Variants in SCRIB observed in about 807,000 individuals in gnomAD.
SCRIB encodes the protein protein scribble homolog.
Under a neutral mutation model 170.0 loss-of-function variants are expected in SCRIB, and 72 were observed. The observed-to-expected ratio is 0.42, with a 90% CI of 0.35 to 0.52. The LOEUF is 0.52. SCRIB is among the 20% of genes least tolerant of loss of function. The probability of loss-of-function intolerance (pLI) is 0.02; values close to 1 mark genes in which losing one functional copy is unlikely to be tolerated. For synonymous variants in SCRIB, 1,298 were observed against 1,044.3 expected, an observed-to-expected ratio of 1.24 and a Z score of -4.68; for missense variants, 2,475 against 2,338.5, an observed-to-expected ratio of 1.06 and a Z score of -1.20.
intron 24 of SCRIB, among the ~76,000 whole-genome samples, chr8:143,796,893 G>A (rs1286643008): frequency 6.6e-6 from 1 of 152,176 alleles, no homozygotes; most frequent in African/African-American, 2.4e-5. Flanking sequence ...GGCAGACCCG[G>A]GTGCTGACTC....
chr8:143,806,374 C>G (rs781942930), intron 18 of SCRIB, 33 bp downstream of exon 18: 5 of 1,544,938 alleles, frequency 3.2e-6, no homozygotes, highest in Non-Finnish European at 4.4e-6. Context: ...GAGGGCACAG[C>G]TGCCACTCGG....
In SCRIB at chr8:143,804,793, A is replaced by G. The variant is rs1488433580; in HGVS notation, c.2784T>C (p.His928=). The G allele has an allele frequency of 1.3e-6, 2 of 1,598,588 alleles. No individual in the cohort carries two copies. Among genetic ancestry groups the G allele is most frequent in the Non-Finnish European group, 1.7e-6 (2 of 1,176,410 alleles). Reference sequence around the variant, plus strand: ...CGGTCAGCAGGGAGACGGCGTGGTCATGCCTGGCCTCAGTCACGTCCACTC... The same window carrying G: ...CGGTCAGCAGGGAGACGGCGTGGTCGTGCCTGGCCTCAGTCACGTCCACTC... ...INGVDVTEAR[H]DHAVSLLTAA... Residue 928 remains histidine (H), a synonymous_variant, in exon 21 of 37, where the codon CAT becomes CAC. Coordinates refer to ENST00000356994, the MANE Select transcript of SCRIB (RefSeq NM_182706.5).
rs572406958 is a variant in SCRIB, at chr8:143,794,014, G to T, written c.3847-52C>A. 14 of 1,551,430 alleles carry T rather than the reference G, an allele frequency of 9.0e-6. No homozygotes were observed. In the African/African-American group the frequency reaches 1.8e-4, roughly 20 times the overall value. On this transcript the variant is annotated intron_variant, in intron 27 of 36. Coordinates refer to ENST00000356994, the MANE Select transcript of SCRIB (RefSeq NM_182706.5). Reference sequence around the variant, plus strand: ...GAGGATGGGCAGGGCTGTGGCCCCCGACCAGGAGGGACTGGGGGCCCTGGG... The same window carrying T: ...GAGGATGGGCAGGGCTGTGGCCCCCTACCAGGAGGGACTGGGGGCCCTGGG...
rs1815420990 is a variant in SCRIB, at chr8:143,806,288, G to T, written c.2346+119C>A. ...CGTGGCTTCACCCGGAAGTCTGGGT[G>T]TCCTGTGCTTGGAACTCTTGGGGAG... is the stretch of plus-strand genomic sequence containing the variant. On this transcript the variant is annotated intron_variant, in intron 18 of 36. Transcript: ENST00000356994. The T allele has an allele frequency of 1.7e-5, 13 of 771,366 alleles. 1 individual carries two copies. In the South Asian group the frequency reaches 1.9e-4, roughly 12 times the overall value. 47.8% of individuals were successfully genotyped at this position (771,366 alleles called of 1,614,324 possible).
chr8:143,791,962 AC>A (rs149884795), intron 33 of SCRIB, 28 bp downstream of exon 33: 419 of 1,444,186 alleles, frequency 2.9e-4, no homozygotes, highest in Non-Finnish European at 3.6e-4. Context: ...CGGCAGGCTG[AC>A]CCCCCCGACC....
rs782552676 is a variant in SCRIB, at chr8:143,793,947, C to T, written c.3862G>A (p.Ala1288Thr). The T allele has an allele frequency of 3.7e-6, 6 of 1,613,362 alleles. No homozygotes were observed. Among genetic ancestry groups the T allele is most frequent in the South Asian group, 1.1e-5 (1 of 91,074 alleles). Residue 1288 changes from alanine to threonine, a missense_variant, in exon 28 of 37, where the codon GCT (alanine) becomes ACT (threonine). Around this residue, in one of 3 missense-constraint regions of SCRIB, gnomAD observed 1,966 missense variants for 1,742.9 expected, o/e 1.13. Coordinates refer to ENST00000356994, the MANE Select transcript of SCRIB (RefSeq NM_182706.5). Reference protein sequence around the residue: ...GSVQRVPSGAAGGKMAESPCS... With the variant: ...GSVQRVPSGATGGKMAESPCS... Reference sequence around the variant, plus strand: ...GGAGATTCAGCCATCTTCCCTCCAGCTGCTCCAGACGGTACCTGGAGGAGT... The same window carrying T: ...GGAGATTCAGCCATCTTCCCTCCAGTTGCTCCAGACGGTACCTGGAGGAGT...
intron 14 of SCRIB, among the ~76,000 whole-genome samples, 180 bp downstream of exon 14, chr8:143,809,371 G>A (rs930330297): frequency 3.9e-5 from 6 of 152,084 alleles, no homozygotes; most frequent in African/African-American, 1.4e-4. Context: ...AGCTCTCCAG[G>A]GCACCCCCAG....
At chr8:143,811,420 A>G (rs1432864440) in intron 9 of SCRIB, 75 bp from the exon 10 acceptor site, 2 of 1,384,938 alleles carry the variant, frequency 1.4e-6, no homozygotes, top group African/African-American at 2.8e-5. Context: ...CCCTGGCAGG[A>G]GGGCACAGAC....
At chr8:143,803,349 A>AG (rs782553243) in intron 24 of SCRIB, 34 bp downstream of exon 24, 1 of 1,513,854 alleles carries the variant, frequency 6.6e-7, no homozygotes, top group African/African-American at 1.4e-5. Context: ...GCTGGGCCAG[A>AG]GGGAGGCCCG....
chr8:143,802,042 C>T (rs1410365521), intron 24 of SCRIB, among the ~76,000 whole-genome samples: 1 of 152,260 alleles, frequency 6.6e-6, no homozygotes, highest in Non-Finnish European at 1.5e-5. Context: ...CTAATAAAAA[C>T]TTCACGAGTA....
chr8:143,811,044 G>T lies in SCRIB; in HGVS notation c.1135C>A (p.His379Asn). The change falls in exon 11 of 37, where the codon CAC (histidine) becomes AAC (asparagine). Residue 379 changes from histidine (H) to asparagine (N), a missense_variant. Coordinates refer to ENST00000356994, the MANE Select transcript of SCRIB (RefSeq NM_182706.5). ...AGCCACAGGGCCTTGAGATTGAGGT[G>T]GGTGAGCGCGAACGGCAGACTCTGC... Reference protein sequence around the residue: ...RLQSLPFALTHLNLKALWLAE... With the variant: ...RLQSLPFALTNLNLKALWLAE... The T allele has an allele frequency of 6.2e-7, 1 of 1,612,328 alleles. No individual in the cohort carries two copies. The highest frequency in any genetic ancestry group is 8.5e-7 in the Non-Finnish European group (1 of 1,179,602).
Position 143,815,772 on chromosome 8 carries a change from C to A in SCRIB, c.-400G>T. On this transcript the variant is annotated 5_prime_UTR_variant, in exon 1 of 37. Transcript: ENST00000356994. ...CGCGCAGCCCGTCGGGAAGCCGAGT[C>A]CGGCCCTCGCCGCCTAGCACGCCCG... 1 of 983,836 alleles carries A rather than the reference C, an allele frequency of 1.0e-6. No individual in the cohort carries two copies. Among genetic ancestry groups the A allele is most frequent in the Non-Finnish European group, 1.2e-6 (1 of 829,068 alleles). The allele number at this position is 983,836 out of a possible 1,614,324, so 60.9% of individuals were successfully genotyped here.
intron 18 of SCRIB, among the ~76,000 whole-genome samples, chr8:143,806,159 C>T (rs1456000910): frequency 6.6e-6 from 1 of 152,196 alleles, no homozygotes; most frequent in African/African-American, 2.4e-5. Context: ...CCTGTACCCA[C>T]AGAACAAAGA....
chr8:143,797,784 C>T lies in SCRIB; in HGVS notation c.3604-2254G>A, dbSNP rs138162434. Among the ~76,000 whole-genome samples the T allele has an allele frequency of 5.3e-3, 804 of 152,326 alleles. 6 individuals carry two copies. The highest frequency in any genetic ancestry group is 9.2e-3 in the Non-Finnish European group (625 of 68,024). On this transcript the variant is annotated intron_variant, in intron 24 of 36. Transcript: ENST00000356994. ...AGCAAAGACAGAGGCACGCTCCGAC[C>T]GAAGGAGACTAGAGGGATGCGGTGG...
intron 27 of SCRIB, 53 bp downstream of exon 27, chr8:143,794,985 G>A (rs574625575): frequency 8.8e-5 from 136 of 1,547,800 alleles, no homozygotes; most frequent in Middle Eastern, 6.9e-4. Context: ...TGGGGTGGCC[G>A]ATGAACAGGA....
chr8:143,791,856 C>G lies in SCRIB; in HGVS notation c.4695+20G>C. The G allele has an allele frequency of 6.5e-7, 1 of 1,538,918 alleles. No individual in the cohort carries two copies. Among genetic ancestry groups the G allele is most frequent in the Non-Finnish European group, 8.8e-7 (1 of 1,139,238 alleles). On this transcript the variant is annotated intron_variant, in intron 34 of 36. Transcript: ENST00000356994. The stretch of plus-strand genomic sequence containing the variant: ...CCATGCCTCGGGGGTGAAGGGAAGG[C>G]ATAGCCACCGGCTCCTCACCAGGCG...
chr8:143,804,691 G>C lies in SCRIB; in HGVS notation c.2886C>G (p.Ser962=). ...GPLPPSPLPH[S]SPPTAAVATT... is the part of the protein sequence containing the mutation. ...TGGCAACAGCAGCGGTGGGGGGTGAGGAATGTGGCAGAGGGCTGGGAGGAA... is the reference window on the plus strand; with the variant it reads ...TGGCAACAGCAGCGGTGGGGGGTGACGAATGTGGCAGAGGGCTGGGAGGAA... Residue 962 remains serine, a synonymous_variant, in exon 21 of 37, where the codon TCC becomes TCG. Coordinates refer to ENST00000356994, the MANE Select transcript of SCRIB (RefSeq NM_182706.5). The C allele has an allele frequency of 6.4e-7, 1 of 1,568,470 alleles. No individual in the cohort carries two copies. Among genetic ancestry groups the C allele is most frequent in the Non-Finnish European group, 8.7e-7 (1 of 1,154,196 alleles).
Position 143,815,319 on chromosome 8 carries a change from G to T in SCRIB, c.54C>A (p.Asp18Glu). 1 of 1,577,006 alleles carries T rather than the reference G, an allele frequency of 6.3e-7. No homozygotes were observed. The highest frequency in any genetic ancestry group is 8.6e-7 in the Non-Finnish European group (1 of 1,164,012). Residue 18 changes from aspartate (D) to glutamate (E), a missense_variant, in exon 1 of 37, where the codon GAC becomes GAA. Around this residue, in one of 3 missense-constraint regions of SCRIB, gnomAD observed 487 missense variants for 558.1 expected, o/e 0.87. Transcript: ENST00000356994. ...WRCNRHVESV[D>E]KRHCSLQAVP... The stretch of plus-strand genomic sequence containing the variant: ...CGGCCTGCAGCGAACAGTGCCGCTT[G>T]TCCACCGACTCCACGTGCCGGTTGC...
chr8:143,798,861 TC>T (rs1554634541), intron 24 of SCRIB, among the ~76,000 whole-genome samples: 1 of 147,974 alleles, frequency 6.8e-6, no homozygotes, highest in Non-Finnish European at 1.5e-5. Context: ...AGGGGCCAGG[TC>T]CCACACAAAA....
Sources: gnomAD v4.1 joint callset for allele counts (sites outside exome capture counted in the v4.1 genomes callset) on GRCh38, gnomAD v4.1.1 for gene constraint, gnomAD v4.1.1 regional missense constraint, MANE v1.5 for transcripts, NCBI Gene and HGNC (gene_info 2026-07-23, HGNC 2026-07-21) for gene names.